COPG2: variants seen among roughly 807,000 people sequenced by gnomAD.
COPG2 encodes the protein coatomer subunit gamma-2.
COPG2 carries 37 observed loss-of-function variants against 46.3 expected under a neutral mutation model. That is an observed-to-expected ratio of 0.80 (90% CI 0.61 to 1.05). COPG2 has a LOEUF of 1.05. Ranked by LOEUF, COPG2 falls within the 50% of genes least tolerant of loss-of-function variation. The pLI is 0.00. For missense variants in COPG2, 427 were observed against 387.8 expected (o/e 1.10, Z -0.85); for synonymous variants, 159 against 129.7 (o/e 1.23, Z -1.53).
chr7:130,569,190 G>C (rs2116413197), intron 9 of COPG2, among the ~76,000 whole-genome samples: 1 of 152,018 alleles, frequency 6.6e-6, no homozygotes, highest in African/African-American at 2.4e-5. Flanking sequence ...CAAGAGAAAA[G>C]AAATAACCAA....
In COPG2 at chr7:130,604,820, G is replaced by GTT. The variant is rs1245522108; in HGVS notation, c.737+6132_737+6133insAA. 8.5e-6 allele frequency: 4 copies of GTT among 473,260 alleles called. No homozygotes were observed. The Admixed American group carries it at 9.6e-5, about 11-fold the overall frequency. The allele number at this position is 473,260 out of a possible 1,614,324, so 29.3% of individuals were successfully genotyped here. ...TTTAGTGGAGTTTTTTTGTACTGTT[G>GTT]TCAGAATAATCATGTTCCCTTCCAG... On this transcript the variant is annotated intron_variant, in intron 9 of 23. Coordinates refer to ENST00000425248, the MANE Select transcript of COPG2 (RefSeq NM_012133.6).
intron 5 of COPG2, among the ~76,000 whole-genome samples, chr7:130,635,433 T>A (rs2116181604): frequency 6.6e-6 from 1 of 152,310 alleles, no homozygotes; most frequent in African/African-American, 2.4e-5. Flanking sequence ...CCTGATTTAG[T>A]CTCGGGAGGG....
At chr7:130,568,735 C>G (rs1163219413) in intron 9 of COPG2, among the ~76,000 whole-genome samples, 1 of 152,174 alleles carries the variant, frequency 6.6e-6, no homozygotes, top group Non-Finnish European at 1.5e-5. Flanking sequence ...ACAGAACGTT[C>G]TACCCAACAA....
chr7:130,563,346 AAT>A lies in COPG2; in HGVS notation c.872-12_872-11del. On this transcript the variant is annotated splice_polypyrimidine_tract_variant and intron_variant, in intron 10 of 23. Coordinates refer to ENST00000425248, the MANE Select transcript of COPG2 (RefSeq NM_012133.6). Reference sequence around the variant, plus strand: ...CAGAAAAGTTGAAGAACTAAAAAAAAATAATAATAATAATATGTAACATTAAG... The same window carrying A: ...CAGAAAAGTTGAAGAACTAAAAAAAAAATAATAATAATATGTAACATTAAG... 5.1e-6 allele frequency: 2 copies of A among 394,196 alleles called. No homozygotes were observed. Among genetic ancestry groups the A allele is most frequent in the Non-Finnish European group, 4.5e-6 (1 of 223,674 alleles). The allele number at this position is 394,196 out of a possible 1,614,324, so 24.4% of individuals were successfully genotyped here.
rs1248632288 is a variant in COPG2, at chr7:130,561,059, C to T, written c.1102G>A (p.Val368Met). 10 of 398,448 alleles carry T rather than the reference C, an allele frequency of 2.5e-5. No homozygotes were observed. The highest frequency in any genetic ancestry group is 1.9e-4 in the African/African-American group (9 of 48,624). 24.7% of individuals were successfully genotyped at this position (398,448 alleles called of 1,614,324 possible). ...TTGAACTCATCTGAGATTTCAGACA[C>T]AAAAGAAGATATCTGCTTCATGAGC... ...DRLMKQISSF[V>M]SEISDEFKVV... Residue 368 changes from valine (V) to methionine (M), a missense_variant, in exon 12 of 24, where the codon GTG (valine) becomes ATG (methionine). Coordinates refer to ENST00000425248, the MANE Select transcript of COPG2 (RefSeq NM_012133.6).
intron 5 of COPG2, among the ~76,000 whole-genome samples, chr7:130,629,186 G>C (rs528156355): frequency 6.6e-5 from 10 of 151,714 alleles, no homozygotes; most frequent in Admixed American, 1.3e-4. Context: ...TCCTTTTTTG[G>C]GGGGGGTACC....
intron 9 of COPG2, among the ~76,000 whole-genome samples, chr7:130,567,755 C>T (rs1415042887): frequency 6.6e-6 from 1 of 152,074 alleles, no homozygotes; most frequent in Non-Finnish European, 1.5e-5. Flanking sequence ...TTCAGATAAA[C>T]AGATGCTGAG....
At position 130,652,909 on chromosome 7, in the gene COPG2, T is replaced by C; in HGVS notation, c.283A>G (p.Met95Val). ...ATCACATCCTCAGAGATGGTAGCCA[T>C]TTCTTTGATGGTAAGGTAGCACATT... ...RRMCYLTIKE[M>V]ATISEDVIIV... Residue 95 changes from methionine (M) to valine (V), a missense_variant, in exon 5 of 24, where the codon ATG (methionine) becomes GTG (valine). Coordinates refer to ENST00000425248, the MANE Select transcript of COPG2 (RefSeq NM_012133.6). 5.0e-6 allele frequency: 8 copies of C among 1,607,962 alleles called. No individual in the cohort carries two copies. Among genetic ancestry groups the C allele is most frequent in the Non-Finnish European group, 6.8e-6 (8 of 1,176,668 alleles).
At chr7:130,634,825 A>C (rs1329224973) in intron 5 of COPG2, among the ~76,000 whole-genome samples, 6 of 152,070 alleles carry the variant, frequency 3.9e-5, no homozygotes, top group Non-Finnish European at 5.9e-5. Context: ...TTGCCCATTC[A>C]GTATGATATT....
chr7:130,585,435 A>G (rs1322433358), intron 9 of COPG2, among the ~76,000 whole-genome samples: 1 of 152,106 alleles, frequency 6.6e-6, no homozygotes, highest in Non-Finnish European at 1.5e-5. Flanking sequence ...AGAACCCAAA[A>G]GCAAATGCAA....
chr7:130,508,363 A>T (rs1353897864), intron 21 of COPG2, 199 bp downstream of exon 21: 1 of 463,268 alleles, frequency 2.2e-6, no homozygotes, highest in African/African-American at 2.0e-5. Context: ...TGAAGTGGTA[A>T]ATCTCAATTC....
At chr7:130,596,664 A>G (rs1488278045) in intron 9 of COPG2, among the ~76,000 whole-genome samples, 1 of 152,124 alleles carries the variant, frequency 6.6e-6, no homozygotes, top group African/African-American at 2.4e-5. Flanking sequence ...AAGAGCCTGG[A>G]CACTGGCTGG....
At position 130,507,756 on chromosome 7, in the gene COPG2, G is replaced by T. The variant is rs782491753; in HGVS notation, c.2315C>A (p.Ala772Asp). The T allele has an allele frequency of 9.0e-6, 7 of 780,416 alleles. No individual in the cohort carries two copies. The South Asian group carries it at 9.4e-5, about 10-fold the overall frequency. 48.3% of individuals were successfully genotyped at this position (780,416 alleles called of 1,614,324 possible). A position where few individuals can be genotyped will look rare whatever the true frequency, so the allele number is the denominator to read the frequency against. Reference protein sequence around the residue: ...QKVLKPNFAAAWEEVGDTFEK... With the variant: ...QKVLKPNFAADWEEVGDTFEK... ...AAAGGTATCTCCCACCTCTTCCCAA[G>T]CAGCAGCAAAGTTAGGCTTCAGTAC... Residue 772 changes from alanine to aspartate, a missense_variant, in exon 22 of 24, where the codon GCT becomes GAT. Transcript: ENST00000425248.
chr7:130,635,042 G>A, intron 5 of COPG2, among the ~76,000 whole-genome samples: 1 of 150,318 alleles, frequency 6.7e-6, no homozygotes, highest in East Asian at 1.9e-4. Flanking sequence ...AACCAGCCTT[G>A]CATCCCAGGG....
chr7:130,602,210 C>T (rs1373907211), intron 9 of COPG2, among the ~76,000 whole-genome samples: 1 of 152,118 alleles, frequency 6.6e-6, no homozygotes, highest in Non-Finnish European at 1.5e-5. Flanking sequence ...TTACTTCTAA[C>T]CGATTTCTTT....
intron 4 of COPG2, among the ~76,000 whole-genome samples, chr7:130,662,118 C>T (rs1795992268): frequency 6.6e-6 from 1 of 152,158 alleles, no homozygotes; most frequent in Admixed American, 6.5e-5. Flanking sequence ...CTAGTAGAAG[C>T]ATCAGTCCTT....
Position 130,595,811 on chromosome 7 carries a change from C to T in COPG2, c.737+15142G>A, listed in dbSNP as rs1015265207. ...CCCATCGGCATTTGGGGACCCCCCC[C>T]CTCCAGCCTACCAGTATCATCTTTA... On this transcript the variant is annotated intron_variant, in intron 9 of 23. Coordinates refer to ENST00000425248, the MANE Select transcript of COPG2 (RefSeq NM_012133.6). Among the ~76,000 whole-genome samples the T allele has an allele frequency of 4.6e-5, 7 of 152,166 alleles. No homozygotes were observed. In the South Asian group the frequency reaches 6.2e-4, roughly 14 times the overall value.
intron 5 of COPG2, among the ~76,000 whole-genome samples, chr7:130,644,620 A>T (rs1293667316): frequency 1.3e-5 from 2 of 152,218 alleles, no homozygotes; most frequent in African/African-American, 4.8e-5. Context: ...AGTGTCTTCC[A>T]TACTGAACAG....
At chr7:130,532,762 C>A (rs1799841049) in intron 20 of COPG2, among the ~76,000 whole-genome samples, 1 of 152,104 alleles carries the variant, frequency 6.6e-6, no homozygotes, top group African/African-American at 2.4e-5. Context: ...GCCTTGGCCA[C>A]TGGATCGTGA....
Sources: allele counts gnomAD v4.1 joint callset (sites outside exome capture counted in the v4.1 genomes callset), GRCh38; gene constraint gnomAD v4.1.1; transcripts MANE v1.5; gene names NCBI Gene and HGNC (gene_info 2026-07-23, HGNC 2026-07-21).